IFNA7: variants seen among roughly 807,000 people sequenced by gnomAD.
IFNA7 encodes interferon alpha 7, also known as interferon alpha-7.
For synonymous variants in IFNA7, 119 were observed against 81.1 expected (o/e 1.47, Z -2.51); for missense variants, 278 against 216.3 (o/e 1.29, Z -1.79).
Position 21,201,815 on chromosome 9 carries a change from A to G in IFNA7, c.351T>C (p.Asn117=). The G allele has an allele frequency of 1.2e-6, 2 of 1,613,416 alleles. No homozygotes were observed. The highest frequency in any genetic ancestry group is 1.7e-6 in the Non-Finnish European group (2 of 1,179,914). The change falls in exon 1 of 1, where the codon AAT becomes AAC. Residue 117 remains asparagine (N), a synonymous_variant. Coordinates refer to ENST00000239347, the MANE Select transcript of IFNA7 (RefSeq NM_021057.2). The part of the protein sequence containing the change: ...KFSTELYQQL[N]DLEACVIQEV... ...CCTGTATCACACATGCTTCCAGGTCATTCAGTTGCTGGTAAAGTTCAGTGG... is the reference window on the plus strand; with the variant it reads ...CCTGTATCACACATGCTTCCAGGTCGTTCAGTTGCTGGTAAAGTTCAGTGG...
At chr9:21,201,976 C>A in the IFNA7 span, 2 of 1,613,324 alleles carry the variant, frequency 1.2e-6, no homozygotes, top group South Asian at 2.2e-5. Context: ...TCAAACTCCT[C>A]CTCTGGGAAT....
In IFNA7 at chr9:21,201,840, G is replaced by T; in HGVS notation, c.326C>A (p.Ser109Tyr). The change falls in exon 1 of 1, where the codon TCC becomes TAC. Residue 109 changes from serine to tyrosine, a missense_variant. Ser to Tyr is a moderately radical substitution (Grantham distance 144). Coordinates refer to ENST00000239347, the MANE Select transcript of IFNA7 (RefSeq NM_021057.2). ...ATTCAGTTGCTGGTAAAGTTCAGTGGAAAATTTTTCTAGGAGGCTCTGTTC... is the reference window on the plus strand; with the variant it reads ...ATTCAGTTGCTGGTAAAGTTCAGTGTAAAATTTTTCTAGGAGGCTCTGTTC... ...AWEQSLLEKFSTELYQQLNDL... is the reference protein window; with the variant it reads ...AWEQSLLEKFYTELYQQLNDL... 1.2e-6 allele frequency: 2 copies of T among 1,613,238 alleles called. No individual in the cohort carries two copies. The highest frequency in any genetic ancestry group is 1.7e-6 in the Non-Finnish European group (2 of 1,179,840).
At position 21,202,152 on chromosome 9, in the gene IFNA7, A is replaced by G. The variant is rs763669322; in HGVS notation, c.14T>C (p.Phe5Ser). 4.4e-6 allele frequency: 7 copies of G among 1,606,632 alleles called. No individual in the cohort carries two copies. The East Asian group carries it at 1.3e-4, about 31-fold the overall frequency. The change falls in exon 1 of 1, where the codon TTT becomes TCT. Residue 5 changes from phenylalanine (F) to serine (S), a missense_variant. Coordinates refer to ENST00000239347, the MANE Select transcript of IFNA7 (RefSeq NM_021057.2). MARSFSLLMVVLVLS... is the reference protein window; with the variant it reads MARSSSLLMVVLVLS... ...TACCAGCACGACCATCAGTAAAGAAAAGGACCGGGCCATTGGGATTTTGCA... is the reference window on the plus strand; with the variant it reads ...TACCAGCACGACCATCAGTAAAGAAGAGGACCGGGCCATTGGGATTTTGCA...
chr9:21,201,912 T>C lies in IFNA7; in HGVS notation c.254A>G (p.Gln85Arg). Residue 85 changes from glutamine to arginine, a missense_variant, in exon 1 of 1, where the codon CAG (glutamine) becomes CGG (arginine). By Grantham distance (43) the Gln-to-Arg change is conservative. Transcript: ENST00000239347. ...TGTGCTGAAGAGATTGAAGGTCTGC[T>C]GGATCATCTCATGGAGGACAGAGAT... is the stretch of plus-strand genomic sequence containing the variant. ...QAISVLHEMI[Q>R]QTFNLFSTED... 1 of 1,613,446 alleles carries C rather than the reference T, an allele frequency of 6.2e-7. No homozygotes were observed. The highest frequency in any genetic ancestry group is 8.5e-7 in the Non-Finnish European group (1 of 1,179,902).
rs1014038241 is a variant in IFNA7, at chr9:21,201,479, G to A, written c.*117C>T. ...CTTCTTAACACTCCTGAAAACATTTGGAAATTTTGATTCAACTTGTGGTGG... is the reference window on the plus strand; with the variant it reads ...CTTCTTAACACTCCTGAAAACATTTAGAAATTTTGATTCAACTTGTGGTGG... On this transcript the variant is annotated 3_prime_UTR_variant, in exon 1 of 1. Transcript: ENST00000239347. 6.7e-7 allele frequency: 1 copy of A among 1,491,206 alleles called. No individual in the cohort carries two copies. The highest frequency in any genetic ancestry group is 1.4e-5 in the African/African-American group (1 of 70,760). The allele number at this position is 1,491,206 out of a possible 1,614,324, so 92.4% of individuals were successfully genotyped here.
rs376077000 is a variant in IFNA7, at chr9:21,201,871, C to T, written c.295G>A (p.Ala99Thr). The change falls in exon 1 of 1, where the codon GCT (alanine) becomes ACT (threonine). Residue 99 changes from alanine (A) to threonine (T), a missense_variant. Coordinates refer to ENST00000239347, the MANE Select transcript of IFNA7 (RefSeq NM_021057.2). Reference protein sequence around the residue: ...NLFSTEDSSAAWEQSLLEKFS... With the variant: ...NLFSTEDSSATWEQSLLEKFS... ...TTTTCTAGGAGGCTCTGTTCCCAAG[C>T]AGCAGATGAGTCCTCTGTGCTGAAG... 61 of 1,613,284 alleles carry T rather than the reference C, an allele frequency of 3.8e-5. 1 individual carries two copies. In the African/African-American group the frequency reaches 6.4e-4, roughly 17 times the overall value.
Position 21,201,849 on chromosome 9 carries a change from T to C in IFNA7, c.317A>G (p.Glu106Gly), listed in dbSNP as rs1818163050. ...CTGGTAAAGTTCAGTGGAAAATTTT[T>C]CTAGGAGGCTCTGTTCCCAAGCAGC... ...SSAAWEQSLL[E>G]KFSTELYQQL... Residue 106 changes from glutamate to glycine, a missense_variant, in exon 1 of 1, where the codon GAA becomes GGA. Coordinates refer to ENST00000239347, the MANE Select transcript of IFNA7 (RefSeq NM_021057.2). The C allele has an allele frequency of 5.0e-6, 8 of 1,613,290 alleles. No homozygotes were observed. Among genetic ancestry groups the C allele is most frequent in the Non-Finnish European group, 6.8e-6 (8 of 1,179,846 alleles).
rs576371815 is a variant in IFNA7, at chr9:21,201,980, T to C, written c.186A>G (p.Pro62=). 4.0e-5 allele frequency: 64 copies of C among 1,613,274 alleles called. No homozygotes were observed. In the South Asian group the frequency reaches 6.8e-4, roughly 17 times the overall value. ...CLKDRHEFRF[P]EEEFDGHQFQ... is the part of the protein sequence containing the mutation. The stretch of plus-strand genomic sequence containing the variant: ...ACTGGTGGCCATCAAACTCCTCCTC[T>C]GGGAATCTGAATTCATGTCTGTCCT... The change falls in exon 1 of 1, where the codon CCA becomes CCG. Residue 62 remains proline, a synonymous_variant. Transcript: ENST00000239347.
At position 21,201,539 on chromosome 9, in the gene IFNA7, T is replaced by C; in HGVS notation, c.*57A>G. On this transcript the variant is annotated 3_prime_UTR_variant, in exon 1 of 1. Transcript: ENST00000239347. ...TGAGTCTTTGAAATGGAAGAACTCATGAAAGTGTGAGATGATGCATTAGTC... is the reference window on the plus strand; with the variant it reads ...TGAGTCTTTGAAATGGAAGAACTCACGAAAGTGTGAGATGATGCATTAGTC... 1 of 1,584,378 alleles carries C rather than the reference T, an allele frequency of 6.3e-7. No individual in the cohort carries two copies. Among genetic ancestry groups the C allele is most frequent in the Middle Eastern group, 2.1e-4 (1 of 4,680 alleles).
Position 21,202,126 on chromosome 9 carries a change from G to A in IFNA7, c.40C>T (p.Leu14Phe), listed in dbSNP as rs565956044. 4 of 1,612,790 alleles carry A rather than the reference G, an allele frequency of 2.5e-6. No individual in the cohort carries two copies. The highest frequency in any genetic ancestry group is 4.5e-5 in the East Asian group (2 of 44,832). ...SFSLLMVVLV[L>F]SYKSICSLGC... ...AGAGAGCAGATGGATTTGTAGCTGA[G>A]TACCAGCACGACCATCAGTAAAGAA... Residue 14 changes from leucine (L) to phenylalanine (F), a missense_variant, in exon 1 of 1, where the codon CTC becomes TTC. Leu to Phe is a conservative substitution (Grantham distance 22). Transcript: ENST00000239347.
In IFNA7 at chr9:21,201,967, C is replaced by T. The variant is rs1363761540; in HGVS notation, c.199G>A (p.Asp67Asn). ...TGAGTCTTCTGGAACTGGTGGCCAT[C>T]AAACTCCTCCTCTGGGAATCTGAAT... Reference protein sequence around the residue: ...HEFRFPEEEFDGHQFQKTQAI... With the variant: ...HEFRFPEEEFNGHQFQKTQAI... The change falls in exon 1 of 1, where the codon GAT (aspartate) becomes AAT (asparagine). Residue 67 changes from aspartate (D) to asparagine (N), a missense_variant. By Grantham distance (23) the Asp-to-Asn change is conservative. Transcript: ENST00000239347. 1 of 1,613,284 alleles carries T rather than the reference C, an allele frequency of 6.2e-7. No homozygotes were observed. Among genetic ancestry groups the T allele is most frequent in the Non-Finnish European group, 8.5e-7 (1 of 1,179,926 alleles).
At position 21,201,643 on chromosome 9, in the gene IFNA7, A is replaced by G. The variant is rs764407095; in HGVS notation, c.523T>C (p.Phe175Leu). Residue 175 changes from phenylalanine (F) to leucine (L), a missense_variant, in exon 1 of 1, where the codon TTC (phenylalanine) becomes CTC (leucine). Transcript: ENST00000239347. Reference sequence around the variant, plus strand: ...TTTTTCAAGTTTGTTGAAAAAGAGAAGGATCTCATGATTTCTGCTCTGACA... The same window carrying G: ...TTTTTCAAGTTTGTTGAAAAAGAGAGGGATCTCATGATTTCTGCTCTGACA... ...EVVRAEIMRS[F>L]SFSTNLKKGL... 34 of 1,613,672 alleles carry G rather than the reference A, an allele frequency of 2.1e-5. No individual in the cohort carries two copies. Among genetic ancestry groups the G allele is most frequent in the African/African-American group, 6.7e-5 (5 of 74,744 alleles).
At position 21,201,900 on chromosome 9, in the gene IFNA7, T is replaced by C. The variant is rs1331990514; in HGVS notation, c.266A>G (p.Asn89Ser). The change falls in exon 1 of 1, where the codon AAT becomes AGT. Residue 89 changes from asparagine (N) to serine (S), a missense_variant. Coordinates refer to ENST00000239347, the MANE Select transcript of IFNA7 (RefSeq NM_021057.2). ...VLHEMIQQTF[N>S]LFSTEDSSAA... Reference sequence around the variant, plus strand: ...AGATGAGTCCTCTGTGCTGAAGAGATTGAAGGTCTGCTGGATCATCTCATG... The same window carrying C: ...AGATGAGTCCTCTGTGCTGAAGAGACTGAAGGTCTGCTGGATCATCTCATG... 19 of 1,613,292 alleles carry C rather than the reference T, an allele frequency of 1.2e-5. No homozygotes were observed. The highest frequency in any genetic ancestry group is 2.2e-5 in the East Asian group (1 of 44,806).
rs1818170722 is a variant in IFNA7 at position 21,202,161 on chromosome 9, G to A, written c.5C>T (p.Ala2Val). The A allele has an allele frequency of 1.3e-6, 2 of 1,594,392 alleles. No individual in the cohort carries two copies. Among genetic ancestry groups the A allele is most frequent in the East Asian group, 2.2e-5 (1 of 44,756 alleles). Reference sequence around the variant, plus strand: ...GACCATCAGTAAAGAAAAGGACCGGGCCATTGGGATTTTGCAAATATCACT... The same window carrying A: ...GACCATCAGTAAAGAAAAGGACCGGACCATTGGGATTTTGCAAATATCACT... Reference protein sequence around the residue: MARSFSLLMVVL... With the variant: MVRSFSLLMVVL... Residue 2 changes from alanine to valine, a missense_variant, in exon 1 of 1, where the codon GCC becomes GTC. Ala to Val is a moderately conservative substitution (Grantham distance 64). Coordinates refer to ENST00000239347, the MANE Select transcript of IFNA7 (RefSeq NM_021057.2).
rs1199024237 is a variant in IFNA7 at position 21,201,786 on chromosome 9, A to G, written c.380T>C (p.Val127Ala). The G allele has an allele frequency of 4.3e-6, 7 of 1,613,406 alleles. No individual in the cohort carries two copies. Among genetic ancestry groups the G allele is most frequent in the South Asian group, 2.2e-5 (2 of 91,038 alleles). ...CATCAGGGGAGTCTCTTCCACCCCA[A>G]CCTCCTGTATCACACATGCTTCCAG... The part of the protein sequence containing the change: ...NDLEACVIQE[V>A]GVEETPLMNE... Residue 127 changes from valine (V) to alanine (A), a missense_variant, in exon 1 of 1, where the codon GTT becomes GCT. Val to Ala is a moderately conservative substitution (Grantham distance 64, BLOSUM62 0). Transcript: ENST00000239347.
Position 21,202,161 on chromosome 9 carries a change from G to C in IFNA7, c.5C>G (p.Ala2Gly). The C allele has an allele frequency of 6.3e-7, 1 of 1,594,510 alleles. No homozygotes were observed. Among genetic ancestry groups the C allele is most frequent in the Non-Finnish European group, 8.5e-7 (1 of 1,172,042 alleles). M[A>G]RSFSLLMVVL... ...GACCATCAGTAAAGAAAAGGACCGG[G>C]CCATTGGGATTTTGCAAATATCACT... Residue 2 changes from alanine (A) to glycine (G), a missense_variant, in exon 1 of 1, where the codon GCC becomes GGC. Transcript: ENST00000239347.
chr9:21,201,621 T>G lies in IFNA7; in HGVS notation c.545A>C (p.Lys182Thr). 6.2e-7 allele frequency: 1 copy of G among 1,613,640 alleles called. No individual in the cohort carries two copies. The highest frequency in any genetic ancestry group is 8.5e-7 in the Non-Finnish European group (1 of 1,179,948). ...MRSFSFSTNLKKGLRRKD is the reference protein window; with the variant it reads ...MRSFSFSTNLTKGLRRKD ...TCAATCCTTCCTCCTTAATCCTTTT[T>G]TCAAGTTTGTTGAAAAAGAGAAGGA... The change falls in exon 1 of 1, where the codon AAA becomes ACA. Residue 182 changes from lysine (K) to threonine (T), a missense_variant. Physicochemically the swap from Lys to Thr is moderately conservative, Grantham distance 78 (BLOSUM62 -1). Transcript: ENST00000239347.
rs145794215 is a variant in IFNA7 at position 21,202,137 on chromosome 9, A to G, written c.29T>C (p.Val10Ala). Residue 10 changes from valine (V) to alanine (A), a missense_variant, in exon 1 of 1, where the codon GTC becomes GCC. By Grantham distance (64) the Val-to-Ala change is moderately conservative (BLOSUM62 0). Coordinates refer to ENST00000239347, the MANE Select transcript of IFNA7 (RefSeq NM_021057.2). Reference sequence around the variant, plus strand: ...GGATTTGTAGCTGAGTACCAGCACGACCATCAGTAAAGAAAAGGACCGGGC... The same window carrying G: ...GGATTTGTAGCTGAGTACCAGCACGGCCATCAGTAAAGAAAAGGACCGGGC... MARSFSLLM[V>A]VLVLSYKSIC... 2,861 of 1,610,128 alleles carry G rather than the reference A, an allele frequency of 1.8e-3. 55 individuals carry two copies. In the African/African-American group the frequency reaches 0.03, roughly 17 times the overall value.
chr9:21,201,538 A>G lies in IFNA7; in HGVS notation c.*58T>C. Reference sequence around the variant, plus strand: ...GTGAGTCTTTGAAATGGAAGAACTCATGAAAGTGTGAGATGATGCATTAGT... The same window carrying G: ...GTGAGTCTTTGAAATGGAAGAACTCGTGAAAGTGTGAGATGATGCATTAGT... On this transcript the variant is annotated 3_prime_UTR_variant, in exon 1 of 1. Transcript: ENST00000239347. The G allele has an allele frequency of 6.3e-7, 1 of 1,584,186 alleles. No individual in the cohort carries two copies. Among genetic ancestry groups the G allele is most frequent in the East Asian group, 2.2e-5 (1 of 44,740 alleles).
Sources: allele counts gnomAD v4.1 joint callset, GRCh38; gene constraint gnomAD v4.1.1; transcripts MANE v1.5; gene names NCBI Gene and HGNC (gene_info 2026-07-23, HGNC 2026-07-21).